The following HMCN1 variants were observed in gnomAD, a reference collection of about 807,000 sequenced individuals.
The protein encoded by HMCN1 is hemicentin-1.
Under a neutral mutation model 625.9 loss-of-function variants are expected in HMCN1, and 321 were observed. The ratio of observed to expected loss-of-function variants is 0.51; its 90% CI spans 0.47 to 0.56. The LOEUF is 0.56. Ranked by LOEUF, HMCN1 falls within the 20% of genes least tolerant of loss-of-function variation. The pLI is 0.00. For missense variants in HMCN1, 6,588 were observed against 6,887.3 expected (o/e 0.96, Z 1.54); for synonymous variants, 2,425 against 2,417.6 (o/e 1.00, Z -0.09).
chr1:186,048,626 T>C, intron 41 of HMCN1, 117 bp from the exon 42 acceptor site: 1 of 712,396 alleles, frequency 1.4e-6, no homozygotes, highest in Non-Finnish European at 2.5e-6. Flanking sequence ...TTTTGTCTAT[T>C]TTTTATATGT....
chr1:185,852,939 CT>C (rs1662251418), intron 2 of HMCN1, among the ~76,000 whole-genome samples: 1 of 152,008 alleles, frequency 6.6e-6, no homozygotes, highest in African/African-American at 2.4e-5. Context: ...GAATCTCAAG[CT>C]TTTTGATATT....
intron 11 of HMCN1, among the ~76,000 whole-genome samples, chr1:185,939,149 A>G (rs765260737): frequency 9.2e-5 from 14 of 152,226 alleles, no homozygotes; most frequent in Non-Finnish European, 1.9e-4. Context: ...AACTTCCCTC[A>G]GTGGCTATTA....
At chr1:186,150,301 G>A (rs1558261399) in intron 93 of HMCN1, among the ~76,000 whole-genome samples, 1 of 152,126 alleles carries the variant, frequency 6.6e-6, no homozygotes, top group Non-Finnish European at 1.5e-5. Flanking sequence ...CCAGTATGTT[G>A]CCTTCTCTTG....
chr1:186,045,997 T>C (rs1656544765), intron 41 of HMCN1, 134 bp downstream of exon 41: 3 of 668,332 alleles, frequency 4.5e-6, no homozygotes, highest in Middle Eastern at 3.5e-4. Flanking sequence ...AACCCTTTTA[T>C]TGATGAGGTT....
intron 81 of HMCN1, among the ~76,000 whole-genome samples, chr1:186,125,231 C>T (rs896683489): frequency 2.6e-5 from 4 of 151,936 alleles, no homozygotes; most frequent in Non-Finnish European, 4.4e-5. Context: ...ACAGCAGTTA[C>T]GCAACCATAG....
intron 55 of HMCN1, among the ~76,000 whole-genome samples, chr1:186,080,593 G>A (rs764316461): frequency 2.0e-5 from 3 of 152,154 alleles, no homozygotes; most frequent in Non-Finnish European, 2.9e-5. Context: ...CACCTGAAGA[G>A]CTTGTTAAGA....
chr1:186,119,934 T>G, intron 79 of HMCN1, 52 bp downstream of exon 79: 2 of 1,614,040 alleles, frequency 1.2e-6, no homozygotes, highest in Non-Finnish European at 1.7e-6. Flanking sequence ...CAGTGTTTTA[T>G]AATTCGAATC....
chr1:186,081,353 G>A lies in HMCN1; in HGVS notation c.8746G>A (p.Asp2916Asn). 6.2e-7 allele frequency: 1 copy of A among 1,613,732 alleles called. No individual in the cohort carries two copies. The highest frequency in any genetic ancestry group is 1.1e-5 in the South Asian group (1 of 91,036). Residue 2916 changes from aspartate (D) to asparagine (N), a missense_variant, in exon 56 of 107, where the codon GAT becomes AAT. This residue lies in a region of HMCN1 where 4,628 missense variants were observed against 4,853.1 expected (regional missense o/e 0.95). Coordinates refer to ENST00000271588, the MANE Select transcript of HMCN1 (RefSeq NM_031935.3). ...WQKDGQPLLE[D>N]DHHKFLSNGR... ...GAAAGATGGACAGCCCTTGCTAGAAGATGACCATCATAAATTTCTATCTAA... is the reference window on the plus strand; with the variant it reads ...GAAAGATGGACAGCCCTTGCTAGAAAATGACCATCATAAATTTCTATCTAA...
chr1:185,883,101 ATGAG>A (rs1442130724), intron 4 of HMCN1, among the ~76,000 whole-genome samples: 2 of 152,132 alleles, frequency 1.3e-5, no homozygotes, highest in Non-Finnish European at 2.9e-5. Flanking sequence ...AATGAAAAGA[ATGAG>A]TGAGTGAATA....
At chr1:186,090,562 C>G (rs1165609362) in intron 63 of HMCN1, among the ~76,000 whole-genome samples, 196 bp from the exon 64 acceptor site, 1 of 151,956 alleles carries the variant, frequency 6.6e-6, no homozygotes, top group Non-Finnish European at 1.5e-5. Flanking sequence ...TATCAACTTA[C>G]AAATACACCA....
At chr1:186,029,521 TTGTA>T (rs1655278707) in intron 36 of HMCN1, among the ~76,000 whole-genome samples, 1 of 146,004 alleles carries the variant, frequency 6.8e-6, no homozygotes, top group African/African-American at 2.6e-5. Flanking sequence ...ATACAACTGT[TTGTA>T]ATCTTCTCCT....
intron 1 of HMCN1, among the ~76,000 whole-genome samples, chr1:185,769,789 A>G (rs1466459432): frequency 6.6e-6 from 1 of 152,144 alleles, no homozygotes; most frequent in Non-Finnish European, 1.5e-5. Flanking sequence ...TGGCTCTAGG[A>G]TGACCTCAGC....
chr1:185,937,964 G>T (rs1450855776), intron 11 of HMCN1, among the ~76,000 whole-genome samples: 2 of 149,960 alleles, frequency 1.3e-5, no homozygotes, highest in East Asian at 1.9e-4. Flanking sequence ...GAAAAGATTT[G>T]ATTTTAAAAA....
chr1:186,176,878 GAA>G (rs1226386028), intron 103 of HMCN1: 2 of 152,496 alleles, frequency 1.3e-5, no homozygotes, highest in Middle Eastern at 3.1e-3. Flanking sequence ...TGGACAAAAG[GAA>G]AGAGCAGGCC....
At chr1:186,150,677 A>G (rs796257533) in intron 93 of HMCN1, among the ~76,000 whole-genome samples, 13 of 152,254 alleles carry the variant, frequency 8.5e-5, no homozygotes, top group African/African-American at 2.9e-4. Flanking sequence ...GAAGGAGGCA[A>G]CAAATAAAAG....
chr1:185,990,582 A>G, intron 22 of HMCN1, 139 bp downstream of exon 22: 2 of 733,340 alleles, frequency 2.7e-6, no homozygotes, highest in Non-Finnish European at 4.9e-6. Flanking sequence ...ATCTGAGTCT[A>G]CAGGAAGTAT....
Position 186,119,776 on chromosome 1 carries a change from A to G in HMCN1, c.11988A>G (p.Glu3996=), listed in dbSNP as rs1558237752. 2 of 1,614,002 alleles carry G rather than the reference A, an allele frequency of 1.2e-6. No homozygotes were observed. Among genetic ancestry groups the G allele is most frequent in the African/African-American group, 1.3e-5 (1 of 75,002 alleles). The change falls in exon 79 of 107, where the codon GAA becomes GAG. Residue 3996 remains glutamate (E), a synonymous_variant. Coordinates refer to ENST00000271588, the MANE Select transcript of HMCN1 (RefSeq NM_031935.3). ...EPPVIQPQPS[E]LHVILNNPIL... ...CAGTCATTCAGCCCCAACCAAGTGAACTACACGTCATTCTGAACAATCCTA... is the reference window on the plus strand; with the variant it reads ...CAGTCATTCAGCCCCAACCAAGTGAGCTACACGTCATTCTGAACAATCCTA...
chr1:186,108,341 T>C, intron 70 of HMCN1, 120 bp from the exon 71 acceptor site: 1 of 1,466,070 alleles, frequency 6.8e-7, no homozygotes, highest in Non-Finnish European at 9.4e-7. Flanking sequence ...ATCTAGGCTA[T>C]AAATTAAATG....
intron 4 of HMCN1, among the ~76,000 whole-genome samples, chr1:185,875,998 T>TCAAA (rs1457819414): frequency 6.6e-6 from 1 of 152,082 alleles, no homozygotes; most frequent in Non-Finnish European, 1.5e-5. Context: ...GGTTTGGGTT[T>TCAAA]CTAGTGTACC....
Sources: gnomAD v4.1 joint callset for allele counts (sites outside exome capture counted in the v4.1 genomes callset) on GRCh38, gnomAD v4.1.1 for gene constraint, gnomAD v4.1.1 regional missense constraint, MANE v1.5 for transcripts, NCBI Gene and HGNC (gene_info 2026-07-23, HGNC 2026-07-21) for gene names.